SMARCA2: variants seen among roughly 807,000 people sequenced by gnomAD.
SMARCA2 encodes SWI/SNF-related matrix-associated actin-dependent regulator of chromatin subfamily A member 2.
A neutral mutation model predicts 199.8 loss-of-function variants in SMARCA2; 61 were observed. The observed-to-expected ratio is 0.31, with a 90% CI of 0.25 to 0.38. The LOEUF (loss-of-function observed/expected upper bound fraction) is 0.38, where lower values mean the gene tolerates loss of function less well. SMARCA2 is among the 10% of genes least tolerant of loss of function. SMARCA2 has a pLI of 1.00. For missense variants in SMARCA2, 1,344 were observed against 2,012.2 expected (o/e 0.67, Z 6.35); for synonymous variants, 935 against 732.0 (o/e 1.28, Z -4.48).
In SMARCA2 at chr9:2,122,022, A is replaced by G. The variant is rs9987880; in HGVS notation, c.3763-1697A>G. On this transcript the variant is annotated intron_variant, in intron 26 of 33. Coordinates refer to ENST00000349721, the MANE Select transcript of SMARCA2 (RefSeq NM_003070.5). ...CTTTTGCCATAATGTTGAATTAATT[A>G]TATTGGTATTTTGTGGGTAGAAATC... is the stretch of plus-strand genomic sequence containing the variant. Among the ~76,000 whole-genome samples the G allele has an allele frequency of 6.8e-3, 1,032 of 152,364 alleles. 15 individuals carry two copies. Among genetic ancestry groups the G allele is most frequent in the African/African-American group, 0.024 (997 of 41,576 alleles).
At chr9:2,073,738 G>A (rs1821188994) in intron 12 of SMARCA2, 115 bp downstream of exon 12, 2 of 755,828 alleles carry the variant, frequency 2.6e-6, no homozygotes, top group Admixed American at 4.7e-5. Context: ...CTCCAGGATT[G>A]GCCTTTGGGT....
intron 27 of SMARCA2, among the ~76,000 whole-genome samples, chr9:2,131,089 C>A (rs1248121948): frequency 6.6e-6 from 1 of 152,184 alleles, no homozygotes; most frequent in Non-Finnish European, 1.5e-5. Context: ...TTAGTGATAT[C>A]CCTGAATTTA....
In SMARCA2 at chr9:2,149,018, A is replaced by G. The variant is rs544029127; in HGVS notation, c.3982-12668A>G. Among the ~76,000 whole-genome samples the G allele has an allele frequency of 2.0e-5, 3 of 151,698 alleles. No homozygotes were observed. In the South Asian group the frequency reaches 6.2e-4, roughly 32 times the overall value. On this transcript the variant is annotated intron_variant, in intron 27 of 33. Transcript: ENST00000349721. ...AGCTATGGAAGCCATGCAGGGCCAG[A>G]ATATAGCTAAGTGTGTTTATTAGTA...
intron 28 of SMARCA2, chr9:2,162,926 G>C (rs1053224900): frequency 6.6e-6 from 1 of 152,146 alleles, no homozygotes; most frequent in African/African-American, 2.4e-5. Flanking sequence ...TACTACACTT[G>C]GTCTTAGCCA....
At chr9:2,061,308 T>A (rs925419198) in intron 9 of SMARCA2, among the ~76,000 whole-genome samples, 3 of 152,170 alleles carry the variant, frequency 2.0e-5, no homozygotes, top group Admixed American at 2.0e-4. Context: ...TCGCTTAAGT[T>A]TAATGCTAGG....
At chr9:2,103,935 CA>C in intron 22 of SMARCA2, 67 bp from the exon 23 acceptor site, 1 of 1,398,078 alleles carries the variant, frequency 7.2e-7, no homozygotes, top group Admixed American at 1.8e-5. Context: ...AAAAGCAAAG[CA>C]ATGCTGGATT....
At chr9:2,166,814 C>G (rs1210165191) in intron 28 of SMARCA2, among the ~76,000 whole-genome samples, 1 of 152,130 alleles carries the variant, frequency 6.6e-6, no homozygotes, top group South Asian at 2.1e-4. Context: ...TCTCATGTCA[C>G]CCACATTTAT....
At chr9:2,188,803 A>G (rs1827671818) in intron 32 of SMARCA2, among the ~76,000 whole-genome samples, 1 of 152,128 alleles carries the variant, frequency 6.6e-6, no homozygotes, top group Non-Finnish European at 1.5e-5. Flanking sequence ...TAGGAATCCC[A>G]TTTCCTTGTT....
chr9:2,172,638 ATTT>A (rs1826318504), intron 29 of SMARCA2, among the ~76,000 whole-genome samples: 1 of 152,056 alleles, frequency 6.6e-6, no homozygotes, highest in Admixed American at 6.6e-5. Context: ...CTGAGGAGGA[ATTT>A]TGATGTACTC....
At chr9:2,058,191 T>G (rs932037465) in intron 7 of SMARCA2, 100 bp from the exon 8 acceptor site, 3 of 1,027,122 alleles carry the variant, frequency 2.9e-6, no homozygotes, top group Non-Finnish European at 4.5e-6. Flanking sequence ...CCTATGCTGT[T>G]AAACACACAC....
At chr9:2,052,328 G>C (rs1240001501) in intron 5 of SMARCA2, among the ~76,000 whole-genome samples, 2 of 152,170 alleles carry the variant, frequency 1.3e-5, no homozygotes, top group Non-Finnish European at 2.9e-5. Flanking sequence ...ACAAAAATTA[G>C]CTGGGCGTGG....
At chr9:2,176,645 G>A (rs1826625729) in intron 29 of SMARCA2, among the ~76,000 whole-genome samples, 1 of 152,106 alleles carries the variant, frequency 6.6e-6, no homozygotes, top group African/African-American at 2.4e-5. Flanking sequence ...TCTGCCTCCT[G>A]GGCTCAAGCG....
Position 2,016,706 on chromosome 9 carries a change from C to T in SMARCA2, c.-37+1302C>T, listed in dbSNP as rs1186331871. ...GTGGCGAGGGCGGGAGGCGGGGAGA[C>T]CGGGTAGGAGCCTCCTCCCAACGAT... On this transcript the variant is annotated intron_variant, in intron 1 of 33. Transcript: ENST00000349721. The surrounding 1 kb of genome is among the most constrained non-coding windows in gnomAD (Gnocchi z 5.6). Among the ~76,000 whole-genome samples, 1 of 151,956 alleles carries T rather than the reference C, an allele frequency of 6.6e-6. No individual in the cohort carries two copies. The highest frequency in any genetic ancestry group is 2.1e-4 in the South Asian group (1 of 4,814).
chr9:2,154,833 A>G (rs1417012036), intron 27 of SMARCA2, among the ~76,000 whole-genome samples: 1 of 152,200 alleles, frequency 6.6e-6, no homozygotes, highest in Non-Finnish European at 1.5e-5. Flanking sequence ...TTCATTTTTA[A>G]TATACTGAGA....
Position 2,039,521 on chromosome 9 carries a change from T to C in SMARCA2, c.411T>C (p.Pro137=). Residue 137 remains proline (P), a synonymous_variant, in exon 4 of 34, where the codon CCT becomes CCC. Coordinates refer to ENST00000349721, the MANE Select transcript of SMARCA2 (RefSeq NM_003070.5). This position sits in a 1 kb window ranked among gnomAD's most constrained non-coding sequence, Gnocchi z 4.8. ...GAGCCCCAGAGCACGTCTCCAGCCC[T>C]ATGTCTGGAGGAGGCCCAACTCCAC... is the stretch of plus-strand genomic sequence containing the variant. ...PLGAPEHVSS[P]MSGGGPTPPQ... The C allele has an allele frequency of 6.2e-7, 1 of 1,614,126 alleles. No individual in the cohort carries two copies. Among genetic ancestry groups the C allele is most frequent in the Non-Finnish European group, 8.5e-7 (1 of 1,180,012 alleles).
Position 2,077,690 on chromosome 9 carries a change from T to G in SMARCA2, c.2098T>G (p.Ser700Ala). ...SMQYSARGSQ[S>A]YYTVAHAISE... The stretch of plus-strand genomic sequence containing the variant: ...GCAGTACAGTGCCAGGGGCTCCCAG[T>G]CCTACTACACCGTGGCTCATGCCAT... Residue 700 changes from serine (S) to alanine (A), a missense_variant, in exon 14 of 34, where the codon TCC (serine) becomes GCC (alanine). Coordinates refer to ENST00000349721, the MANE Select transcript of SMARCA2 (RefSeq NM_003070.5). 1 of 1,613,972 alleles carries G rather than the reference T, an allele frequency of 6.2e-7. No homozygotes were observed.
At chr9:2,147,487 G>A (rs533379111) in intron 27 of SMARCA2, among the ~76,000 whole-genome samples, 1 of 152,302 alleles carries the variant, frequency 6.6e-6, no homozygotes, top group East Asian at 1.9e-4. Context: ...AAACTGGCTA[G>A]AACACATAAA....
At chr9:2,021,994 C>T (rs191909868) in intron 1 of SMARCA2, 47 of 151,822 alleles carry the variant, frequency 3.1e-4, no homozygotes, top group African/African-American at 9.4e-4. Context: ...CACAGAGACC[C>T]GGCCTGAAGG....
intron 6 of SMARCA2, among the ~76,000 whole-genome samples, chr9:2,054,984 C>G (rs62534887): frequency 2.0e-5 from 3 of 152,054 alleles, no homozygotes; most frequent in African/African-American, 7.3e-5. Flanking sequence ...AGAGTTATGG[C>G]GTTTTGTTAC....
Sources: allele counts gnomAD v4.1 joint callset (sites outside exome capture counted in the v4.1 genomes callset), GRCh38; gene constraint gnomAD v4.1.1; non-coding constraint Gnocchi (gnomAD v3.1); transcripts MANE v1.5; gene names NCBI Gene and HGNC (gene_info 2026-07-23, HGNC 2026-07-21).